The following CEP89 variants were observed in gnomAD, a reference collection of about 807,000 sequenced individuals.
The protein encoded by CEP89 is centrosomal protein 89.
A neutral mutation model predicts 97.6 loss-of-function variants in CEP89; 95 were observed. The observed-to-expected ratio is 0.97, with a 90% confidence interval of 0.82 to 1.15. CEP89 has a LOEUF of 1.15. CEP89 is among the 50% of genes most tolerant of loss of function. The pLI, the probability that CEP89 is intolerant of heterozygous loss-of-function variation, is 0.00. For missense variants in CEP89, 869 were observed against 947.7 expected, an observed-to-expected ratio of 0.92 and a Z score of 1.09; for synonymous variants, 354 against 349.1, an observed-to-expected ratio of 1.01 and a Z score of -0.16.
chr19:32,892,517 GC>G (rs1969551993), intron 16 of CEP89, among the ~76,000 whole-genome samples: 1 of 151,506 alleles, frequency 6.6e-6, no homozygotes, highest in Admixed American at 6.6e-5. Context: ...TGTTGGCCGG[GC>G]TGGTCTTGAA....
chr19:32,905,502 T>TA (rs1555789577), intron 14 of CEP89, among the ~76,000 whole-genome samples: 3 of 150,908 alleles, frequency 2.0e-5, no homozygotes, highest in East Asian at 1.9e-4. Context: ...TTTTTTTTTT[T>TA]AATTCAATTC....
chr19:32,906,519 C>G (rs1476086731), intron 14 of CEP89, among the ~76,000 whole-genome samples: 4 of 151,964 alleles, frequency 2.6e-5, no homozygotes, highest in African/African-American at 9.7e-5. Flanking sequence ...AAGATATTAT[C>G]ATTTTATAGA....
At chr19:32,920,589 T>C (rs1461872669) in intron 12 of CEP89, among the ~76,000 whole-genome samples, 1 of 152,174 alleles carries the variant, frequency 6.6e-6, no homozygotes, top group Non-Finnish European at 1.5e-5. Context: ...GTTCAAGTGA[T>C]TCTCCTGCCT....
Position 32,926,197 on chromosome 19 carries a change from G to T in CEP89, c.1157C>A (p.Thr386Asn). ...MMKEKDELNA[T>N]LKEEMRMFRM... ...GGACATTTGCCAGCCTACCTTGAGG[G>T]TGGCATTGAGCTCGTCCTTCTCTTT... Residue 386 changes from threonine to asparagine, a missense_variant, in exon 11 of 19, where the codon ACC becomes AAC. Physicochemically the swap from Thr to Asn is moderately conservative, Grantham distance 65. Coordinates refer to ENST00000305768, the MANE Select transcript of CEP89 (RefSeq NM_032816.5). The T allele has an allele frequency of 1.2e-6, 2 of 1,609,948 alleles. No individual in the cohort carries two copies. The highest frequency in any genetic ancestry group is 1.7e-6 in the Non-Finnish European group (2 of 1,176,374).
rs750448528 is a variant in CEP89 at position 32,944,220 on chromosome 19, T to TAAAAA, written c.595+4041_595+4045dup. On this transcript the variant is annotated intron_variant, in intron 5 of 18. Coordinates refer to ENST00000305768, the MANE Select transcript of CEP89 (RefSeq NM_032816.5). ...GCCTGGGCAACAGAGTGAGACCCTG[T>TAAAAA]AAAAAAAAAAAAAAAAAGACTCTTC... Among the ~76,000 whole-genome samples the TAAAAA allele has an allele frequency of 3.4e-4, 21 of 62,424 alleles. 1 individual carries two copies. Among genetic ancestry groups the TAAAAA allele is most frequent in the Middle Eastern group, 8.5e-3 (1 of 118 alleles). 41.0% of individuals were successfully genotyped at this position (62,424 alleles called of 152,430 possible). A position where few individuals can be genotyped will look rare whatever the true frequency, so the allele number is the denominator to read the frequency against.
At chr19:32,909,792 C>T (rs1004624409) in intron 14 of CEP89, among the ~76,000 whole-genome samples, 5 of 152,140 alleles carry the variant, frequency 3.3e-5, no homozygotes, top group Non-Finnish European at 7.3e-5. Flanking sequence ...AGCCTTAGGT[C>T]ATCAGGAACC....
rs1003326968 is a variant in CEP89, at chr19:32,876,460, G to C, written c.*2702C>G. On this transcript the variant is annotated 3_prime_UTR_variant, in exon 19 of 19. Coordinates refer to ENST00000305768, the MANE Select transcript of CEP89 (RefSeq NM_032816.5). ...GGAGGAGCCCCTCCCAGCAGACCCAGTTCTCCTCTGTGCAGTCCGGCCTCA... is the reference window on the plus strand; with the variant it reads ...GGAGGAGCCCCTCCCAGCAGACCCACTTCTCCTCTGTGCAGTCCGGCCTCA... 1.1e-4 allele frequency: 17 copies of C among 153,026 alleles called. No individual in the cohort carries two copies. Among genetic ancestry groups the C allele is most frequent in the African/African-American group, 4.1e-4 (17 of 41,454 alleles). The allele number at this position is 153,026 out of a possible 1,614,324, so 9.5% of individuals were successfully genotyped here. A position where few individuals can be genotyped will look rare whatever the true frequency, so the allele number is the denominator to read the frequency against.
chr19:32,933,640 T>C lies in CEP89; in HGVS notation c.697A>G (p.Thr233Ala). Residue 233 changes from threonine (T) to alanine (A), a missense_variant, in exon 8 of 19, where the codon ACA becomes GCA. By Grantham distance (58) the Thr-to-Ala change is moderately conservative. Coordinates refer to ENST00000305768, the MANE Select transcript of CEP89 (RefSeq NM_032816.5). ...TCAAACTTTTCTCTGGTTATTTCTG[T>C]ATATCTTTGACGTGCTCTACCAGTT... ...DITGRARQRY[T>A]EITREKFEAL... is the part of the protein sequence containing the mutation. 1 of 1,612,152 alleles carries C rather than the reference T, an allele frequency of 6.2e-7. No individual in the cohort carries two copies. Among genetic ancestry groups the C allele is most frequent in the Non-Finnish European group, 8.5e-7 (1 of 1,178,214 alleles).
In CEP89 at chr19:32,915,409, T is replaced by C; in HGVS notation, c.1493A>G (p.Gln498Arg). 1 of 1,613,992 alleles carries C rather than the reference T, an allele frequency of 6.2e-7. No individual in the cohort carries two copies. Among genetic ancestry groups the C allele is most frequent in the Non-Finnish European group, 8.5e-7 (1 of 1,179,954 alleles). ...GCCATCCGAGTGTGTTTTGAGTTCT[T>C]GGCATTTGGCACGTAAAATCTCCAG... ...EQLEILRAKC[Q>R]ELKTHSDGKI... The change falls in exon 14 of 19, where the codon CAA becomes CGA. Residue 498 changes from glutamine (Q) to arginine (R), a missense_variant. Coordinates refer to ENST00000305768, the MANE Select transcript of CEP89 (RefSeq NM_032816.5).
At chr19:32,938,826 T>C (rs1279362647) in intron 6 of CEP89, among the ~76,000 whole-genome samples, 1 of 152,154 alleles carries the variant, frequency 6.6e-6, no homozygotes, top group Non-Finnish European at 1.5e-5. Flanking sequence ...GGCATGCACC[T>C]GTGGTCCTAG....
At chr19:32,887,965 A>AAG in intron 16 of CEP89, 124 bp from the exon 17 acceptor site, 1 of 652,886 alleles carries the variant, frequency 1.5e-6, no homozygotes, top group South Asian at 1.9e-5. Flanking sequence ...GTCCTGCCTC[A>AAG]ACCCCTTCCC....
At chr19:32,917,530 G>A (rs976936567) in intron 13 of CEP89, among the ~76,000 whole-genome samples, 3 of 152,184 alleles carry the variant, frequency 2.0e-5, no homozygotes, top group Non-Finnish European at 4.4e-5. Context: ...CATGCAAGAT[G>A]GCTTGTGTTT....
chr19:32,923,674 TCAAC>T, intron 11 of CEP89, 132 bp from the exon 12 acceptor site: 1 of 639,600 alleles, frequency 1.6e-6, no homozygotes, highest in Non-Finnish European at 2.8e-6. Context: ...AGGCCAGCCT[TCAAC>T]TCTCGGTACC....
chr19:32,931,278 G>C lies in CEP89; in HGVS notation c.1029+151C>G, dbSNP rs1599752326. 7 of 652,160 alleles carry C rather than the reference G, an allele frequency of 1.1e-5. No individual in the cohort carries two copies. In the East Asian group the frequency reaches 2.2e-4, roughly 20 times the overall value. 40.4% of individuals were successfully genotyped at this position (652,160 alleles called of 1,614,324 possible). A position where few individuals can be genotyped will look rare whatever the true frequency, so the allele number is the denominator to read the frequency against. On this transcript the variant is annotated intron_variant, in intron 9 of 18. Coordinates refer to ENST00000305768, the MANE Select transcript of CEP89 (RefSeq NM_032816.5). ...GGGAAGAAGGAAGGGAAGGAGGCAAGAAACAGAATGGTCCTTAGAAACATT... is the reference window on the plus strand; with the variant it reads ...GGGAAGAAGGAAGGGAAGGAGGCAACAAACAGAATGGTCCTTAGAAACATT...
At chr19:32,923,791 G>A (rs1184197079) in intron 11 of CEP89, among the ~76,000 whole-genome samples, 1 of 152,126 alleles carries the variant, frequency 6.6e-6, no homozygotes, top group Non-Finnish European at 1.5e-5. Flanking sequence ...GGGCTTTCGA[G>A]TATTAGATTC....
intron 1 of CEP89, chr19:32,971,519 T>G: frequency 1.8e-6 from 1 of 541,400 alleles, no homozygotes. Flanking sequence ...TAGCCGGGAG[T>G]AGTGGCGCGC....
At chr19:32,887,431 C>T (rs888419905) in intron 17 of CEP89, among the ~76,000 whole-genome samples, 2 of 152,016 alleles carry the variant, frequency 1.3e-5, no homozygotes, top group African/African-American at 4.8e-5. Flanking sequence ...TGTTACCAGA[C>T]TGGTCTCAAA....
At chr19:32,945,655 A>G (rs2145947389) in intron 5 of CEP89, among the ~76,000 whole-genome samples, 1 of 152,106 alleles carries the variant, frequency 6.6e-6, no homozygotes, top group East Asian at 1.9e-4. Flanking sequence ...CCTTCCATGC[A>G]TTAATTTCTT....
intron 14 of CEP89, among the ~76,000 whole-genome samples, chr19:32,913,178 G>A (rs953288190): frequency 2.7e-5 from 4 of 147,922 alleles, no homozygotes; most frequent in Non-Finnish European, 4.5e-5. Context: ...TATTAATTAT[G>A]TATGTTTCCT....
Sources: allele counts gnomAD v4.1 joint callset (sites outside exome capture counted in the v4.1 genomes callset), GRCh38; gene constraint gnomAD v4.1.1; transcripts MANE v1.5; gene names NCBI Gene and HGNC (gene_info 2026-07-23, HGNC 2026-07-21).